The following HNRNPA1L2 variants were observed in gnomAD, a reference collection of about 807,000 sequenced individuals.
The protein encoded by HNRNPA1L2 is heterogeneous nuclear ribonucleoprotein A1 like 2.
HNRNPA1L2 carries 10 observed loss-of-function variants against 18.2 expected under a neutral mutation model. The observed-to-expected ratio is 0.55, with a 90% CI of 0.34 to 0.93. HNRNPA1L2 has a LOEUF of 0.93. Ranked by LOEUF, HNRNPA1L2 falls within the 40% of genes least tolerant of loss-of-function variation. The pLI is 0.02. For missense variants in HNRNPA1L2, 308 were observed against 394.4 expected (o/e 0.78, Z 1.85); for synonymous variants, 124 against 138.6 (o/e 0.89, Z 0.74).
At chr13:52,631,538 A>G in the HNRNPA1L2 span, among the ~76,000 whole-genome samples, 1 of 152,228 alleles carries the variant, frequency 6.6e-6, no homozygotes, top group Admixed American at 6.5e-5. Context: ...AAAGTTCTGG[A>G]GCAGAAAAGC....
At chr13:52,638,679 AT>A (rs1465677721), upstream of HNRNPA1L2, among the ~76,000 whole-genome samples, 2 of 152,210 alleles carry the variant, frequency 1.3e-5, no homozygotes, top group African/African-American at 2.4e-5. Flanking sequence ...CAAATTGCCT[AT>A]TAAATTGGGA....
chr13:52,636,402 C>G, the HNRNPA1L2 span, among the ~76,000 whole-genome samples: 1 of 152,068 alleles, frequency 6.6e-6, no homozygotes, highest in Non-Finnish European at 1.5e-5. Flanking sequence ...AGTAACTGGT[C>G]GGAATATGGC....
chr13:52,639,661 G>GT (rs1267079302), upstream of HNRNPA1L2, among the ~76,000 whole-genome samples: 3 of 125,282 alleles, frequency 2.4e-5, no homozygotes, highest in Admixed American at 9.1e-5. Flanking sequence ...CTCTCGTTTT[G>GT]TGTGTTCTCT....
the HNRNPA1L2 span, among the ~76,000 whole-genome samples, chr13:52,618,565 T>G: frequency 1.3e-5 from 2 of 152,142 alleles, no homozygotes; most frequent in Admixed American, 6.5e-5. Context: ...TGGTCAGAGA[T>G]AGCAAAGATT....
chr13:52,624,426 T>C, the HNRNPA1L2 span, among the ~76,000 whole-genome samples: 16 of 152,192 alleles, frequency 1.1e-4, no homozygotes, highest in Admixed American at 1.0e-3. Context: ...ATTTTCTTTT[T>C]AATGACCTAG....
At chr13:52,628,444 GA>G in the HNRNPA1L2 span, among the ~76,000 whole-genome samples, 1 of 151,890 alleles carries the variant, frequency 6.6e-6, no homozygotes, top group Non-Finnish European at 1.5e-5. Flanking sequence ...CCCTGTCTCT[GA>G]AAGAAATTAT....
At position 52,643,193 on chromosome 13, in the gene HNRNPA1L2, G is replaced by A. The variant is rs777011473; in HGVS notation, c.701G>A (p.Gly234Asp). 6.3e-7 allele frequency: 1 copy of A among 1,597,896 alleles called. No individual in the cohort carries two copies. The highest frequency in any genetic ancestry group is 8.5e-7 in the Non-Finnish European group (1 of 1,179,812). ...GGTGGCTTTGGTGGCAGCTGTGGTGGTGGTGGATATGGTGGCAGTGGGGAT... is the reference window on the plus strand; with the variant it reads ...GGTGGCTTTGGTGGCAGCTGTGGTGATGGTGGATATGGTGGCAGTGGGGAT... The part of the protein sequence containing the change: ...GRGGFGGSCG[G>D]GGYGGSGDGY... The change falls in exon 1 of 1, where the codon GGT becomes GAT. Residue 234 changes from glycine (G) to aspartate (D), a missense_variant. By Grantham distance (94) the Gly-to-Asp change is moderately conservative. Transcript: ENST00000357495.
the HNRNPA1L2 span, among the ~76,000 whole-genome samples, chr13:52,622,625 G>A: frequency 6.6e-6 from 1 of 152,118 alleles, no homozygotes; most frequent in African/African-American, 2.4e-5. Flanking sequence ...GTAGCTTCAT[G>A]TCTGTAAAGG....
chr13:52,617,707 T>C, the HNRNPA1L2 span: 3 of 437,238 alleles, frequency 6.9e-6, no homozygotes, highest in Non-Finnish European at 1.2e-5. Flanking sequence ...CACTTTTGGC[T>C]CCGCAGGTCC....
chr13:52,630,593 A>G, the HNRNPA1L2 span, among the ~76,000 whole-genome samples: 3 of 152,300 alleles, frequency 2.0e-5, no homozygotes, highest in East Asian at 3.9e-4. Flanking sequence ...ATAGCAGGAT[A>G]TGCTCACAGT....
In HNRNPA1L2 at chr13:52,642,546, T is replaced by C; in HGVS notation, c.54T>C (p.Ile18=). 1 of 1,611,762 alleles carries C rather than the reference T, an allele frequency of 6.2e-7. No homozygotes were observed. The highest frequency in any genetic ancestry group is 8.5e-7 in the Non-Finnish European group (1 of 1,179,808). The part of the protein sequence containing the change: ...KEPEQLRKLF[I]GGLSFETTDE... ...CCGAACAGCTGAGGAAGCTCTTCAT[T>C]GGAGGGTTGAGCTTTGAAACAACTG... The change falls in exon 1 of 1, where the codon ATT becomes ATC. Residue 18 remains isoleucine, a synonymous_variant. Coordinates refer to ENST00000357495, the MANE Select transcript of HNRNPA1L2 (RefSeq NM_001389320.1).
chr13:52,631,606 A>T, the HNRNPA1L2 span, among the ~76,000 whole-genome samples: 2 of 152,312 alleles, frequency 1.3e-5, no homozygotes, highest in South Asian at 4.1e-4. Context: ...ACTTGAAATC[A>T]CATTACTTAA....
At chr13:52,631,995 C>CTT in the HNRNPA1L2 span, among the ~76,000 whole-genome samples, 3 of 151,564 alleles carry the variant, frequency 2.0e-5, no homozygotes, top group Non-Finnish European at 2.9e-5. Flanking sequence ...AGTGTTGACT[C>CTT]TTTTTAACAG....
chr13:52,643,464 C>T lies in HNRNPA1L2; in HGVS notation c.*9C>T. On this transcript the variant is annotated 3_prime_UTR_variant, in exon 1 of 1. Transcript: ENST00000357495. Reference sequence around the variant, plus strand: ...GTGGCAGAAGATTTTAATTAGGAAACAAAGCTTAGCAGGAGAGGAGAGCCA... The same window carrying T: ...GTGGCAGAAGATTTTAATTAGGAAATAAAGCTTAGCAGGAGAGGAGAGCCA... 6.3e-7 allele frequency: 1 copy of T among 1,591,990 alleles called. No individual in the cohort carries two copies. Among genetic ancestry groups the T allele is most frequent in the Non-Finnish European group, 8.5e-7 (1 of 1,175,046 alleles).
At chr13:52,624,484 A>C in the HNRNPA1L2 span, among the ~76,000 whole-genome samples, 1 of 152,050 alleles carries the variant, frequency 6.6e-6, no homozygotes, top group African/African-American at 2.4e-5. Context: ...TTCCACATTG[A>C]TTTTCCTAGG....
the HNRNPA1L2 span, chr13:52,627,407 T>A: frequency 1.5e-5 from 3 of 201,264 alleles, no homozygotes; most frequent in Non-Finnish European, 2.7e-5. Context: ...CTCTTTTTTC[T>A]TTCTCATTTG....
the HNRNPA1L2 span, among the ~76,000 whole-genome samples, chr13:52,635,421 A>G: frequency 1.3e-4 from 19 of 151,272 alleles, no homozygotes; most frequent in Non-Finnish European, 2.5e-4. Flanking sequence ...AGGGATAGAG[A>G]GTGATATTCA....
At chr13:52,638,764 C>G (rs1961545085), upstream of HNRNPA1L2, among the ~76,000 whole-genome samples, 1 of 152,154 alleles carries the variant, frequency 6.6e-6, no homozygotes, top group African/African-American at 2.4e-5. Flanking sequence ...AATTCCAGGA[C>G]TAAGCAATTT....
upstream of HNRNPA1L2, chr13:52,637,473 A>G: frequency 4.2e-6 from 1 of 235,806 alleles, no homozygotes. Flanking sequence ...GGGGTTATAA[A>G]ATTCATTGAT....
Sources: allele counts gnomAD v4.1 joint callset (sites outside exome capture counted in the v4.1 genomes callset), GRCh38; gene constraint gnomAD v4.1.1; transcripts MANE v1.5; gene names NCBI Gene and HGNC (gene_info 2026-07-23, HGNC 2026-07-21).